Variants in TRIO observed in about 807,000 individuals in gnomAD.
TRIO encodes triple functional domain protein.
A neutral mutation model predicts 351.9 loss-of-function variants in TRIO; 58 were observed. The ratio of observed to expected loss-of-function variants is 0.16; its 90% confidence interval spans 0.13 to 0.21. The LOEUF is 0.21. Among genes scored for constraint, TRIO ranks in the 10% least tolerant of loss-of-function variants. The pLI is 1.00. For missense variants in TRIO, 3,201 were observed against 4,027.8 expected, an observed-to-expected ratio of 0.79 and a Z score of 5.56; for synonymous variants, 1,758 against 1,595.7, an observed-to-expected ratio of 1.10 and a Z score of -2.42.
intron 1 of TRIO, among the ~76,000 whole-genome samples, chr5:14,207,389 TACACACACACACAC>T (rs70964544): frequency 8.5e-5 from 1 of 11,722 alleles, no homozygotes. Context: ...CAAGACTGTC[TACACACACACACAC>T]ACACACACAC....
Position 14,497,005 on chromosome 5 carries a change from G to C in TRIO, c.8007G>C (p.Lys2669Asn). Residue 2669 changes from lysine to asparagine, a missense_variant, in exon 50 of 57, where the codon AAG (lysine) becomes AAC (asparagine). Coordinates refer to ENST00000344204, the MANE Select transcript of TRIO (RefSeq NM_007118.4). This position sits in a 1 kb window ranked among gnomAD's most constrained non-coding sequence, Gnocchi z 4.4. ...AGTCACGGGAAGGACTCAGCAACAAGGTATCTGTGAAGGTGTGTTCGGGGG... is the reference window on the plus strand; with the variant it reads ...AGTCACGGGAAGGACTCAGCAACAACGTATCTGTGAAGGTGTGTTCGGGGG... ...YRKSREGLSNKVSVKLLNPNY... is the reference protein window; with the variant it reads ...YRKSREGLSNNVSVKLLNPNY... 6.2e-7 allele frequency: 1 copy of C among 1,614,212 alleles called. No individual in the cohort carries two copies. The highest frequency in any genetic ancestry group is 8.5e-7 in the Non-Finnish European group (1 of 1,180,030).
Position 14,358,328 on chromosome 5 carries a change from G to A in TRIO, c.2197G>A (p.Asp733Asn). ...VTVNVIKEGEDLIQQLRDSAI... is the reference protein window; with the variant it reads ...VTVNVIKEGENLIQQLRDSAI... ...TGTCAACGTGATCAAGGAAGGGGAGGACCTCATCCAGCAGCTCAGGTGGGC... is the reference window on the plus strand; with the variant it reads ...TGTCAACGTGATCAAGGAAGGGGAGAACCTCATCCAGCAGCTCAGGTGGGC... The change falls in exon 12 of 57, where the codon GAC becomes AAC. Residue 733 changes from aspartate to asparagine, a missense_variant. By Grantham distance (23) the Asp-to-Asn change is conservative (BLOSUM62 1). Around this residue, in one of 19 missense-constraint regions of TRIO, gnomAD observed 363 missense variants for 553.5 expected, o/e 0.66. Transcript: ENST00000344204. The A allele has an allele frequency of 2.5e-6, 4 of 1,614,096 alleles. No homozygotes were observed. Among genetic ancestry groups the A allele is most frequent in the Non-Finnish European group, 3.4e-6 (4 of 1,179,996 alleles).
intron 21 of TRIO, among the ~76,000 whole-genome samples, chr5:14,386,487 G>C (rs1455733645): frequency 3.9e-5 from 6 of 152,102 alleles, no homozygotes; most frequent in African/African-American, 1.4e-4. Flanking sequence ...TTTCTTTTGG[G>C]GATTTTTAAA....
intron 1 of TRIO, among the ~76,000 whole-genome samples, chr5:14,145,731 C>T (rs982592047): frequency 6.6e-6 from 1 of 152,188 alleles, no homozygotes; most frequent in African/African-American, 2.4e-5. Flanking sequence ...TTTTTTACAT[C>T]TCTATTATGC....
chr5:14,213,973 G>A (rs1302197467), intron 1 of TRIO, among the ~76,000 whole-genome samples: 1 of 152,120 alleles, frequency 6.6e-6, no homozygotes, highest in African/African-American at 2.4e-5. Flanking sequence ...TTTAATGTGT[G>A]CTTTCTAATG....
chr5:14,350,697 A>G (rs530934341), intron 11 of TRIO, among the ~76,000 whole-genome samples: 1 of 152,218 alleles, frequency 6.6e-6, no homozygotes, highest in East Asian at 1.9e-4. Context: ...CCTTTCTTAC[A>G]TGTAATACAT....
At position 14,169,847 on chromosome 5, in the gene TRIO, A is replaced by C. The variant is rs572830081; in HGVS notation, c.157+25965A>C. On this transcript the variant is annotated intron_variant, in intron 1 of 56. Coordinates refer to ENST00000344204, the MANE Select transcript of TRIO (RefSeq NM_007118.4). Reference sequence around the variant, plus strand: ...TAAGTTGATTGTACTTGAAACATGCAGTTGTGTTGTGACCATCTGTAGAGT... The same window carrying C: ...TAAGTTGATTGTACTTGAAACATGCCGTTGTGTTGTGACCATCTGTAGAGT... Among the ~76,000 whole-genome samples, 3 of 152,352 alleles carry C rather than the reference A, an allele frequency of 2.0e-5. No homozygotes were observed. In the East Asian group the frequency reaches 5.8e-4, roughly 29 times the overall value.
chr5:14,478,735 T>G (rs929405469), intron 41 of TRIO, among the ~76,000 whole-genome samples: 1 of 145,764 alleles, frequency 6.9e-6, no homozygotes, highest in African/African-American at 2.6e-5. Context: ...GGAGGGTTGC[T>G]GAGGCTAGTT....
intron 34 of TRIO, among the ~76,000 whole-genome samples, chr5:14,440,161 T>C (rs545411247): frequency 1.3e-5 from 2 of 152,306 alleles, no homozygotes; most frequent in South Asian, 4.1e-4. Flanking sequence ...GAAAAATTAT[T>C]AATATAAAGA....
At chr5:14,175,484 G>C (rs575262389) in intron 1 of TRIO, among the ~76,000 whole-genome samples, 13 of 152,074 alleles carry the variant, frequency 8.5e-5, no homozygotes, top group African/African-American at 3.1e-4. Flanking sequence ...ATTCTTTGGA[G>C]CTAAAGATTC....
intron 13 of TRIO, among the ~76,000 whole-genome samples, chr5:14,362,544 A>G (rs1228523084): frequency 6.6e-6 from 1 of 152,204 alleles, no homozygotes; most frequent in African/African-American, 2.4e-5. Flanking sequence ...TTGGTTGTCA[A>G]AGGAACCAGA....
Position 14,359,410 on chromosome 5 carries a change from T to C in TRIO, c.2270T>C (p.Ile757Thr), listed in dbSNP as rs1221562766. Residue 757 changes from isoleucine to threonine, a missense_variant, in exon 13 of 57, where the codon ATT (isoleucine) becomes ACT (threonine). Physicochemically the swap from Ile to Thr is moderately conservative, Grantham distance 89 (BLOSUM62 -1). Coordinates refer to ENST00000344204, the MANE Select transcript of TRIO (RefSeq NM_007118.4). ...CCCCACAACAGCTCCATCAACCACATTGAGACGGTGCTGCAGCAGCTGGAC... is the reference window on the plus strand; with the variant it reads ...CCCCACAACAGCTCCATCAACCACACTGAGACGGTGCTGCAGCAGCTGGAC... ...KTPHNSSINH[I>T]ETVLQQLDEA... The C allele has an allele frequency of 6.2e-7, 1 of 1,614,224 alleles. No homozygotes were observed. The highest frequency in any genetic ancestry group is 1.3e-5 in the African/African-American group (1 of 75,070).
At position 14,490,304 on chromosome 5, in the gene TRIO, C is replaced by T. The variant is rs569531925; in HGVS notation, c.7632+2044C>T. Reference sequence around the variant, plus strand: ...AAAAAGCCCCCACGTATTTGCACTTCTGTCCCCCTGGAGATCTGCAAAGGC... The same window carrying T: ...AAAAAGCCCCCACGTATTTGCACTTTTGTCCCCCTGGAGATCTGCAAAGGC... On this transcript the variant is annotated intron_variant, in intron 48 of 56. Transcript: ENST00000344204. Among the ~76,000 whole-genome samples the T allele has an allele frequency of 1.3e-4, 20 of 152,334 alleles. No homozygotes were observed. In the South Asian group the frequency reaches 3.9e-3, roughly 30 times the overall value.
chr5:14,181,940 G>C (rs27666), intron 1 of TRIO, among the ~76,000 whole-genome samples: 9,678 of 151,376 alleles, frequency 0.064, 434 homozygotes, highest in African/African-American at 0.12. Flanking sequence ...GAACTCTCCA[G>C]AATATTCAGT....
At position 14,453,380 on chromosome 5, in the gene TRIO, G is replaced by A. The variant is rs77817243; in HGVS notation, c.5204-7639G>A. On this transcript the variant is annotated intron_variant, in intron 34 of 56. Coordinates refer to ENST00000344204, the MANE Select transcript of TRIO (RefSeq NM_007118.4). ...TTCATTCATCCTTCATATTAAAAGT[G>A]ATTTTTAGTACATCCTAGACGCCAT... is the stretch of plus-strand genomic sequence containing the variant. Among the ~76,000 whole-genome samples the A allele has an allele frequency of 8.4e-3, 1,278 of 152,268 alleles. 7 individuals are homozygous for A. The highest frequency in any genetic ancestry group is 0.013 in the Non-Finnish European group (916 of 68,026).
intron 48 of TRIO, chr5:14,489,153 C>T (rs1368992589): frequency 6.3e-6 from 4 of 638,556 alleles, no homozygotes; most frequent in African/African-American, 1.8e-5. Flanking sequence ...GGGTCTGTGT[C>T]TCTCTTTATA....
rs548101494 is a variant in TRIO, at chr5:14,494,977, G to C, written c.7881-1902G>C. ...GGCAGTGATGCCTCCAGTGGATCTG[G>C]GCAAAGTAAATTGAAAACCTTGTGG... On this transcript the variant is annotated intron_variant, in intron 49 of 56. Transcript: ENST00000344204. Among the ~76,000 whole-genome samples the C allele has an allele frequency of 2.0e-5, 3 of 152,310 alleles. No homozygotes were observed. The East Asian group carries it at 5.8e-4, about 29-fold the overall frequency.
chr5:14,468,432 T>C (rs1754437144), intron 37 of TRIO, among the ~76,000 whole-genome samples: 1 of 152,258 alleles, frequency 6.6e-6, no homozygotes. Flanking sequence ...TCCACATGGG[T>C]GTTCACTGGT....
Position 14,180,131 on chromosome 5 carries a change from T to G in TRIO, c.157+36249T>G, listed in dbSNP as rs984528591. 2.5e-5 allele frequency among the ~76,000 whole-genome samples: 3 copies of G among 120,088 alleles called. No homozygotes were observed. The Admixed American group carries it at 2.5e-4, about 10-fold the overall frequency. The allele number at this position is 120,088 out of a possible 152,430, so 78.8% of individuals were successfully genotyped here. A position where few individuals can be genotyped will look rare whatever the true frequency, so the allele number is the denominator to read the frequency against. On this transcript the variant is annotated intron_variant, in intron 1 of 56. Coordinates refer to ENST00000344204, the MANE Select transcript of TRIO (RefSeq NM_007118.4). ...AAAAAAAAAAAAAAAAAAAAAAAGA[T>G]TAACTGTAATATAGATGTGGTAAAG...
Sources: gnomAD v4.1 joint callset for allele counts (sites outside exome capture counted in the v4.1 genomes callset) on GRCh38, gnomAD v4.1.1 for gene constraint, gnomAD v4.1.1 regional missense constraint, Gnocchi (gnomAD v3.1) non-coding constraint, MANE v1.5 for transcripts, NCBI Gene and HGNC (gene_info 2026-07-23, HGNC 2026-07-21) for gene names.